Variants in EXOC4 observed in about 807,000 individuals in gnomAD.
The protein encoded by EXOC4 is exocyst complex component 4, also known as SEC8-like 1.
A neutral mutation model predicts 107.2 loss-of-function variants in EXOC4; 71 were observed. The ratio of observed to expected loss-of-function variants is 0.66; its 90% CI spans 0.55 to 0.81. The LOEUF is 0.81. Ranked by LOEUF, EXOC4 falls within the 30% of genes least tolerant of loss-of-function variation. The pLI, the probability that EXOC4 is intolerant of heterozygous loss-of-function variation, is 0.00. For synonymous variants in EXOC4, 456 were observed against 441.2 expected (o/e 1.03, Z -0.42); for missense variants, 1,108 against 1,189.6 (o/e 0.93, Z 1.01).
chr7:133,405,794 ACT>A (rs372107309), intron 7 of EXOC4, among the ~76,000 whole-genome samples: 7 of 152,116 alleles, frequency 4.6e-5, no homozygotes, highest in African/African-American at 1.7e-4. Flanking sequence ...GCGCTTGGGA[ACT>A]CTTTCATGCA....
intron 9 of EXOC4, among the ~76,000 whole-genome samples, chr7:133,611,406 G>A (rs530783544): frequency 6.6e-6 from 1 of 152,280 alleles, no homozygotes; most frequent in South Asian, 2.1e-4. Flanking sequence ...GATTGTGTCA[G>A]AGGTTACTCT....
intron 16 of EXOC4, among the ~76,000 whole-genome samples, chr7:134,007,414 G>A (rs1794666513): frequency 6.6e-6 from 1 of 152,176 alleles, no homozygotes; most frequent in Non-Finnish European, 1.5e-5. Flanking sequence ...GTGGCAGTAG[G>A]TGTACATGGC....
At chr7:133,455,097 A>G (rs1798433569) in intron 7 of EXOC4, among the ~76,000 whole-genome samples, 1 of 152,240 alleles carries the variant, frequency 6.6e-6, no homozygotes, top group African/African-American at 2.4e-5. Flanking sequence ...AAAAATATAT[A>G]TAAAATAAAT....
chr7:133,752,658 A>T (rs1409623931), intron 10 of EXOC4, among the ~76,000 whole-genome samples: 3 of 152,338 alleles, frequency 2.0e-5, no homozygotes, highest in Middle Eastern at 6.8e-3. Context: ...AACAAAAAAC[A>T]AAAAAGAGTG....
chr7:133,899,000 AACTT>A (rs1376647607), intron 12 of EXOC4, among the ~76,000 whole-genome samples: 3 of 151,802 alleles, frequency 2.0e-5, no homozygotes, highest in African/African-American at 7.2e-5. Flanking sequence ...ATAAAAATAA[AACTT>A]AAATATTAAA....
rs558479722 is a variant in EXOC4, at chr7:133,253,307, GCCCCTCCCCAGGGCTCTAA to G, written c.86+135_86+153del. 6.9e-6 allele frequency: 10 copies of G among 1,439,536 alleles called. No homozygotes were observed. In the East Asian group the frequency reaches 1.0e-4, roughly 15 times the overall value. 89.2% of individuals were successfully genotyped at this position (1,439,536 alleles called of 1,614,324 possible). A position where few individuals can be genotyped will look rare whatever the true frequency, so the allele number is the denominator to read the frequency against. On this transcript the variant is annotated intron_variant, in intron 1 of 17. Coordinates refer to ENST00000253861, the MANE Select transcript of EXOC4 (RefSeq NM_021807.4). The stretch of plus-strand genomic sequence containing the variant: ...TCCCCTTTCCTCCTTGCCTCCCGCA[GCCCCTCCCCAGGGCTCTAA>G]CCCCTCCCCAGGGCCCCAGCAATTC...
At position 133,643,611 on chromosome 7, in the gene EXOC4, G is replaced by A. The variant is rs934373758; in HGVS notation, c.1514+13470G>A. ...AAGACAATAATAAGGTCAAAATTACGCCTAACATAATACAACTATCCTTTG... is the reference window on the plus strand; with the variant it reads ...AAGACAATAATAAGGTCAAAATTACACCTAACATAATACAACTATCCTTTG... On this transcript the variant is annotated intron_variant, in intron 10 of 17. Transcript: ENST00000253861. 3.3e-5 allele frequency among the ~76,000 whole-genome samples: 5 copies of A among 152,146 alleles called. No individual in the cohort carries two copies. In the South Asian group the frequency reaches 6.2e-4, roughly 19 times the overall value.
intron 10 of EXOC4, among the ~76,000 whole-genome samples, chr7:133,759,139 A>G (rs1247842337): frequency 7.0e-6 from 1 of 143,062 alleles, no homozygotes; most frequent in African/African-American, 2.7e-5. Context: ...CAAACCAACA[A>G]AAGAATTTTT....
intron 6 of EXOC4, among the ~76,000 whole-genome samples, chr7:133,357,561 A>G (rs1271116048): frequency 6.6e-6 from 1 of 152,212 alleles, no homozygotes; most frequent in East Asian, 1.9e-4. Context: ...ATACTAACAG[A>G]TCATGTGTGA....
chr7:133,353,494 C>T (rs1795956434), intron 5 of EXOC4, among the ~76,000 whole-genome samples: 1 of 152,090 alleles, frequency 6.6e-6, no homozygotes, highest in South Asian at 2.1e-4. Context: ...TCGGAAATTT[C>T]TGATGAGAAA....
At chr7:133,739,084 C>T (rs1295491556) in intron 10 of EXOC4, among the ~76,000 whole-genome samples, 2 of 152,146 alleles carry the variant, frequency 1.3e-5, no homozygotes, top group African/African-American at 4.8e-5. Flanking sequence ...ACTCTTACTT[C>T]TGGTGCCTTT....
intron 11 of EXOC4, among the ~76,000 whole-genome samples, chr7:133,878,970 C>T (rs1798907151): frequency 6.6e-6 from 1 of 152,152 alleles, no homozygotes; most frequent in Non-Finnish European, 1.5e-5. Context: ...GGTCATCCAC[C>T]TGCCTTGGCC....
At chr7:133,818,112 ATC>A (rs1289309415) in intron 11 of EXOC4, among the ~76,000 whole-genome samples, 1 of 152,164 alleles carries the variant, frequency 6.6e-6, no homozygotes, top group African/African-American at 2.4e-5. Flanking sequence ...AAATAAAATA[ATC>A]TGTCAGTAGA....
intron 17 of EXOC4, among the ~76,000 whole-genome samples, chr7:134,018,353 G>A (rs1056306837): frequency 1.3e-5 from 2 of 152,160 alleles, no homozygotes; most frequent in African/African-American, 4.8e-5. Context: ...CAGAGCTACA[G>A]CCCCTGTAAA....
At chr7:133,705,038 C>T (rs902049973) in intron 10 of EXOC4, among the ~76,000 whole-genome samples, 3 of 152,114 alleles carry the variant, frequency 2.0e-5, no homozygotes, top group South Asian at 4.1e-4. Context: ...TTTCACTTAG[C>T]AGAAAAGCCG....
chr7:133,488,524 T>C (rs1799312198), intron 9 of EXOC4, among the ~76,000 whole-genome samples: 1 of 152,240 alleles, frequency 6.6e-6, no homozygotes, highest in South Asian at 2.1e-4. Flanking sequence ...GAAATGACTT[T>C]ACAAAGTTTA....
chr7:133,735,254 T>TAAAAAAAA (rs1795419906), intron 10 of EXOC4, among the ~76,000 whole-genome samples: 1 of 93,782 alleles, frequency 1.1e-5, no homozygotes, highest in Non-Finnish European at 2.4e-5. Context: ...AAAAAAAAAG[T>TAAAAAAAA]TAAAGTACGG....
intron 1 of EXOC4, 108 bp downstream of exon 1, chr7:133,253,295 T>G: frequency 6.9e-7 from 1 of 1,444,786 alleles, no homozygotes; most frequent in Non-Finnish European, 9.2e-7. Flanking sequence ...CCTTTCCTCC[T>G]TGCCTCCCGC....
intron 10 of EXOC4, among the ~76,000 whole-genome samples, chr7:133,812,828 A>T (rs1207054398): frequency 2.0e-5 from 3 of 151,954 alleles, no homozygotes; most frequent in Non-Finnish European, 4.4e-5. Context: ...CGTGTATTAG[A>T]TCTCTTGATC....
Sources: allele counts gnomAD v4.1 joint callset (sites outside exome capture counted in the v4.1 genomes callset), GRCh38; gene constraint gnomAD v4.1.1; transcripts MANE v1.5; gene names NCBI Gene and HGNC (gene_info 2026-07-23, HGNC 2026-07-21).